TENM2: variants seen among roughly 807,000 people sequenced by gnomAD.
The protein encoded by TENM2 is teneurin-2.
In TENM2, 52 loss-of-function variants were observed where a neutral mutation model predicts 245.2. That is an observed-to-expected ratio of 0.21 (90% CI 0.17 to 0.27). The LOEUF (loss-of-function observed/expected upper bound fraction) is 0.27, where lower values mean the gene tolerates loss of function less well. Among genes scored for constraint, TENM2 ranks in the 10% least tolerant of loss-of-function variants. TENM2 has a pLI of 1.00. For synonymous variants in TENM2, 1,363 were observed against 1,438.9 expected, an observed-to-expected ratio of 0.95 and a Z score of 1.19; for missense variants, 3,046 against 3,666.8, an observed-to-expected ratio of 0.83 and a Z score of 4.37.
chr5:167,121,097 A>G, the TENM2 span, among the ~76,000 whole-genome samples: 3 of 152,108 alleles, frequency 2.0e-5, no homozygotes, highest in African/African-American at 7.2e-5. Flanking sequence ...ATGTTTGCCT[A>G]GGAGAAAGAT....
the TENM2 span, among the ~76,000 whole-genome samples, chr5:167,224,889 T>C: frequency 7.2e-5 from 11 of 152,058 alleles, no homozygotes; most frequent in African/African-American, 2.4e-4. Context: ...ATCAGTGCCT[T>C]ATAGTTTTCC....
intron 9 of TENM2, among the ~76,000 whole-genome samples, chr5:168,100,011 G>A (rs1029855342): frequency 5.3e-5 from 8 of 152,176 alleles, no homozygotes; most frequent in Non-Finnish European, 1.2e-4. Context: ...GTTCACTCAT[G>A]ATTTGGCTCT....
chr5:167,578,910 T>C (rs572683362), intron 2 of TENM2, among the ~76,000 whole-genome samples: 1 of 152,284 alleles, frequency 6.6e-6, no homozygotes, highest in East Asian at 1.9e-4. Context: ...GGAGCAAAAA[T>C]AATTATTAGT....
At chr5:167,801,302 G>C (rs1299731269) in intron 2 of TENM2, among the ~76,000 whole-genome samples, 1 of 151,468 alleles carries the variant, frequency 6.6e-6, no homozygotes, top group Non-Finnish European at 1.5e-5. Flanking sequence ...CTGGTTATGA[G>C]GGGCAGCGTT....
chr5:167,741,430 G>A (rs1175328483), intron 2 of TENM2, among the ~76,000 whole-genome samples: 1 of 152,146 alleles, frequency 6.6e-6, no homozygotes, highest in Non-Finnish European at 1.5e-5. Flanking sequence ...GTTGGTTCAG[G>A]TTTTAGCACT....
intron 7 of TENM2, among the ~76,000 whole-genome samples, chr5:168,084,413 A>G (rs1792267831): frequency 2.6e-5 from 4 of 152,218 alleles, no homozygotes; most frequent in Admixed American, 2.0e-4. Flanking sequence ...CAGCCATGCC[A>G]GCATGTTGTT....
intron 2 of TENM2, among the ~76,000 whole-genome samples, chr5:167,454,159 T>C (rs543713991): frequency 3.9e-4 from 59 of 152,200 alleles, no homozygotes; most frequent in Non-Finnish European, 7.5e-4. Context: ...AGTAGCACAA[T>C]GCCCTTGAAT....
At chr5:167,650,906 A>T (rs1382846284) in intron 2 of TENM2, among the ~76,000 whole-genome samples, 1 of 152,178 alleles carries the variant, frequency 6.6e-6, no homozygotes, top group Non-Finnish European at 1.5e-5. Flanking sequence ...TTGAAAGATA[A>T]AGCTAACCAT....
chr5:167,637,697 G>A (rs1561625433), intron 2 of TENM2, among the ~76,000 whole-genome samples: 2 of 152,066 alleles, frequency 1.3e-5, no homozygotes, highest in South Asian at 2.1e-4. Flanking sequence ...GAAACCATCA[G>A]CAAATTAACA....
At chr5:168,226,988 C>A (rs1764252113) in intron 24 of TENM2, among the ~76,000 whole-genome samples, 1 of 152,188 alleles carries the variant, frequency 6.6e-6, no homozygotes, top group African/African-American at 2.4e-5. Flanking sequence ...GTTTCAATGA[C>A]TCTATTTCTG....
intron 4 of TENM2, among the ~76,000 whole-genome samples, chr5:167,960,387 C>G (rs1780911122): frequency 6.6e-6 from 1 of 152,202 alleles, no homozygotes; most frequent in Admixed American, 6.5e-5. Context: ...TTCAAAGGTA[C>G]CCTGCCCAGA....
At chr5:167,258,001 G>C in the TENM2 span, among the ~76,000 whole-genome samples, 11 of 151,758 alleles carry the variant, frequency 7.2e-5, no homozygotes, top group Admixed American at 7.2e-4. Context: ...TAGTGGGGAC[G>C]GGGGAGGAAA....
At chr5:166,988,122 C>T in the TENM2 span, among the ~76,000 whole-genome samples, 1 of 152,306 alleles carries the variant, frequency 6.6e-6, no homozygotes, top group African/African-American at 2.4e-5. Flanking sequence ...CAGGTAATAG[C>T]TTCCTAGACT....
intron 2 of TENM2, among the ~76,000 whole-genome samples, chr5:167,468,185 C>T (rs570071552): frequency 7.9e-5 from 12 of 152,202 alleles, no homozygotes; most frequent in Non-Finnish European, 1.5e-4. Flanking sequence ...GATTCACCTT[C>T]CTCGACCTCC....
At chr5:167,701,419 TA>T (rs1245495928) in intron 2 of TENM2, among the ~76,000 whole-genome samples, 1 of 152,012 alleles carries the variant, frequency 6.6e-6, no homozygotes, top group Admixed American at 6.6e-5. Context: ...TACATCAGTT[TA>T]AAATTACTTT....
At chr5:167,656,302 C>T (rs768448018) in intron 2 of TENM2, among the ~76,000 whole-genome samples, 8 of 152,208 alleles carry the variant, frequency 5.3e-5, no homozygotes, top group Non-Finnish European at 8.8e-5. Flanking sequence ...AGCATGTCTC[C>T]TGAGCACATG....
chr5:168,106,466 A>G (rs1476591864), intron 9 of TENM2, among the ~76,000 whole-genome samples: 1 of 152,204 alleles, frequency 6.6e-6, no homozygotes, highest in Non-Finnish European at 1.5e-5. Context: ...TCATTTATAG[A>G]CGATTATCAT....
Position 167,375,118 on chromosome 5 carries a change from T to C in TENM2, c.227-80T>C, listed in dbSNP as rs547286023. 3.5e-5 allele frequency: 51 copies of C among 1,448,400 alleles called. No individual in the cohort carries two copies. The East Asian group carries it at 7.7e-4, about 22-fold the overall frequency. The allele number at this position is 1,448,400 out of a possible 1,614,324, so 89.7% of individuals were successfully genotyped here. On this transcript the variant is annotated intron_variant, in intron 1 of 28. Transcript: ENST00000518659. ...GTATCTGTCAGATGGGAAAAGTGGCTGCTTTTTTGTAAGGATAAATTTTAA... is the reference window on the plus strand; with the variant it reads ...GTATCTGTCAGATGGGAAAAGTGGCCGCTTTTTTGTAAGGATAAATTTTAA...
intron 3 of TENM2, among the ~76,000 whole-genome samples, chr5:167,887,399 C>G (rs1774373438): frequency 6.6e-6 from 1 of 152,192 alleles, no homozygotes; most frequent in Non-Finnish European, 1.5e-5. Flanking sequence ...AGTGGGGCAA[C>G]AAAAAGGTGG....
Sources: allele counts gnomAD v4.1 joint callset (sites outside exome capture counted in the v4.1 genomes callset), GRCh38; gene constraint gnomAD v4.1.1; transcripts MANE v1.5; gene names NCBI Gene and HGNC (gene_info 2026-07-23, HGNC 2026-07-21).